The following DNAJB2 variants were observed in gnomAD, a reference collection of about 807,000 sequenced individuals.
DNAJB2 encodes the protein dnaJ homolog subfamily B member 2.
In DNAJB2, 19 loss-of-function variants were observed where a neutral mutation model predicts 33.3. The observed-to-expected ratio is 0.57, with a 90% CI of 0.40 to 0.84. The LOEUF is 0.84. DNAJB2 is among the 40% of genes least tolerant of loss of function. The probability of loss-of-function intolerance (pLI) is 0.00; values close to 1 mark genes in which losing one functional copy is unlikely to be tolerated. For missense variants in DNAJB2, 368 were observed against 430.9 expected (o/e 0.85, Z 1.29); for synonymous variants, 172 against 164.6 (o/e 1.04, Z -0.34).
Position 219,279,939 on chromosome 2 carries a change from A to G in DNAJB2, c.65+41A>G. 6.3e-7 allele frequency: 1 copy of G among 1,595,948 alleles called. No individual in the cohort carries two copies. ...TGCAACAGAAGACCTCTCACCCTCC[A>G]CCCGCCACCACCATGGGGCACTTCA... On this transcript the variant is annotated intron_variant, in intron 2 of 8. Coordinates refer to ENST00000336576, the MANE Select transcript of DNAJB2 (RefSeq NM_006736.6). The surrounding 1 kb of genome is among the most constrained non-coding windows in gnomAD (Gnocchi z 4.9).
chr2:219,279,416 G>A lies in DNAJB2; in HGVS notation c.-139G>A, dbSNP rs1054116839. ...GCCTGCGCGCACAGCTGGGCCGGGC[G>A]CGTCCTACGCAGCAGCCGCGAGCCG... is the stretch of plus-strand genomic sequence containing the variant. On this transcript the variant is annotated 5_prime_UTR_variant, in exon 1 of 9. Transcript: ENST00000336576. This position sits in a 1 kb window ranked among gnomAD's most constrained non-coding sequence, Gnocchi z 4.9. 6.6e-5 allele frequency: 11 copies of A among 165,536 alleles called. No individual in the cohort carries two copies. Among genetic ancestry groups the A allele is most frequent in the Non-Finnish European group, 1.4e-4 (11 of 76,914 alleles). 10.3% of individuals were successfully genotyped at this position (165,536 alleles called of 1,614,324 possible).
In DNAJB2 at chr2:219,284,773, A is replaced by G. The variant is rs770788678; in HGVS notation, c.761A>G (p.Asp254Gly). Residue 254 changes from aspartate to glycine, a missense_variant, in exon 9 of 9, where the codon GAC becomes GGC. By Grantham distance (94) the Asp-to-Gly change is moderately conservative. Transcript: ENST00000336576. Reference protein sequence around the residue: ...PLDSDLSEDEDLQLAMAYSLS... With the variant: ...PLDSDLSEDEGLQLAMAYSLS... ...GACAGCGACCTCTCTGAGGATGAGG[A>G]CCTGCAGCTGGCCATGGCCTACAGC... The G allele has an allele frequency of 3.7e-6, 6 of 1,613,282 alleles. No homozygotes were observed. The African/African-American group carries it at 8.0e-5, about 22-fold the overall frequency.
At chr2:219,283,572 C>A (rs1951926838) in intron 8 of DNAJB2, 83 bp downstream of exon 8, 1 of 1,409,728 alleles carries the variant, frequency 7.1e-7, no homozygotes, top group Admixed American at 2.2e-5. Context: ...CTGCTGCTCT[C>A]TGAACTCACT....
At chr2:219,280,801 C>T (rs1254899090) in intron 3 of DNAJB2, 114 bp downstream of exon 3, 2 of 781,460 alleles carry the variant, frequency 2.6e-6, no homozygotes, top group Non-Finnish European at 4.1e-6. Context: ...CTTTTTCCAG[C>T]CTGACATTTA....
Position 219,284,803 on chromosome 2 carries a change from C to T in DNAJB2, c.791C>T (p.Ser264Leu), listed in dbSNP as rs773941610. The T allele has an allele frequency of 3.1e-6, 5 of 1,612,854 alleles. No individual in the cohort carries two copies. In the East Asian group the frequency reaches 6.7e-5, roughly 22 times the overall value. Residue 264 changes from serine (S) to leucine (L), a missense_variant, in exon 9 of 9, where the codon TCA becomes TTA. Transcript: ENST00000336576. ...CAGCTGGCCATGGCCTACAGCCTGT[C>T]AGAGATGGAGGCAGCTGGGAAGAAA... ...DLQLAMAYSL[S>L]EMEAAGKKPA...
intron 5 of DNAJB2, 123 bp from the exon 6 acceptor site, chr2:219,282,713 TA>T: frequency 1.2e-6 from 1 of 869,228 alleles, no homozygotes; most frequent in Non-Finnish European, 1.7e-6. Context: ...TAAGCCCAAC[TA>T]AAAAGCGGAA....
chr2:219,281,303 T>G (rs1453439719), intron 3 of DNAJB2: 4 of 211,280 alleles, frequency 1.9e-5, no homozygotes, highest in Non-Finnish European at 3.9e-5. Context: ...TGCTAGGGAA[T>G]AATGTGCACT....
At chr2:219,283,088 C>T in intron 6 of DNAJB2, 45 bp from the exon 7 acceptor site, 1 of 1,480,942 alleles carries the variant, frequency 6.8e-7, no homozygotes, top group East Asian at 2.2e-5. Context: ...GCAGCGCAGT[C>T]TTCTTCTAAC....
In DNAJB2 at chr2:219,279,815, T is replaced by G; in HGVS notation, c.-19T>G. On this transcript the variant is annotated 5_prime_UTR_variant, in exon 2 of 9. An upstream open reading frame in the 5' UTR loses its in-frame stop. Transcript: ENST00000336576. This position sits in a 1 kb window ranked among gnomAD's most constrained non-coding sequence, Gnocchi z 4.9. ...TTCTGCAGCCCCAAGGAGGCCCGCC[T>G]GACGACTGACCAGTTGCCATGGCAT... 6.2e-7 allele frequency: 1 copy of G among 1,613,782 alleles called. No homozygotes were observed. Among genetic ancestry groups the G allele is most frequent in the Non-Finnish European group, 8.5e-7 (1 of 1,179,890 alleles).
chr2:219,284,907 A>G lies in DNAJB2; in HGVS notation c.895A>G (p.Thr299Ala), dbSNP rs747702973. The change falls in exon 9 of 9, where the codon ACC becomes GCC. Residue 299 changes from threonine (T) to alanine (A), a missense_variant. Thr to Ala is a moderately conservative substitution (Grantham distance 58). Coordinates refer to ENST00000336576, the MANE Select transcript of DNAJB2 (RefSeq NM_006736.6). ...AQHQDPGLGG[T>A]QEGARGEATK... ...GCACCAAGATCCAGGCTTGGGGGGGACCCAGGAGGGTGCGAGGGGTGAAGC... is the reference window on the plus strand; with the variant it reads ...GCACCAAGATCCAGGCTTGGGGGGGGCCCAGGAGGGTGCGAGGGGTGAAGC... 9 of 1,596,508 alleles carry G rather than the reference A, an allele frequency of 5.6e-6. No homozygotes were observed. The highest frequency in any genetic ancestry group is 5.1e-6 in the Non-Finnish European group (6 of 1,168,780).
Position 219,283,566 on chromosome 2 carries a change from T to G in DNAJB2, c.619+77T>G. Reference sequence around the variant, plus strand: ...CTCAGCAGCCTCCTCCCCAAACTGCTGCTCTCTGAACTCACTTAGGGCTTG... The same window carrying G: ...CTCAGCAGCCTCCTCCCCAAACTGCGGCTCTCTGAACTCACTTAGGGCTTG... On this transcript the variant is annotated intron_variant, in intron 8 of 8. Coordinates refer to ENST00000336576, the MANE Select transcript of DNAJB2 (RefSeq NM_006736.6). 3 of 1,459,958 alleles carry G rather than the reference T, an allele frequency of 2.1e-6. No homozygotes were observed. In the South Asian group the frequency reaches 3.9e-5, roughly 19 times the overall value. 90.4% of individuals were successfully genotyped at this position (1,459,958 alleles called of 1,614,324 possible).
At chr2:219,283,781 C>G (rs1320387934) in intron 8 of DNAJB2, among the ~76,000 whole-genome samples, 1 of 152,202 alleles carries the variant, frequency 6.6e-6, no homozygotes, top group Non-Finnish European at 1.5e-5. Context: ...TGGGGGAGTA[C>G]ACAGGGCAGA....
In DNAJB2 at chr2:219,284,868, C is replaced by A; in HGVS notation, c.856C>A (p.Arg286=). The change falls in exon 9 of 9, where the codon CGG becomes AGG. Residue 286 remains arginine (R), a synonymous_variant. Transcript: ENST00000336576. ...GGAGGCACAGCACCGACGGCAGGGG[C>A]GGCCCAAGGCCCAGCACCAAGATCC... ...GREAQHRRQG[R]PKAQHQDPGL... The A allele has an allele frequency of 1.2e-6, 2 of 1,608,774 alleles. No homozygotes were observed. Among genetic ancestry groups the A allele is most frequent in the South Asian group, 1.1e-5 (1 of 90,634 alleles).
In DNAJB2 at chr2:219,280,583, G is replaced by A. The variant is rs780839621; in HGVS notation, c.71G>A (p.Arg24Gln). The change falls in exon 3 of 9, where the codon CGG becomes CAG. Residue 24 changes from arginine to glutamine, a missense_variant. By Grantham distance (43) the Arg-to-Gln change is conservative. Coordinates refer to ENST00000336576, the MANE Select transcript of DNAJB2 (RefSeq NM_006736.6). ...ASADDIKKAYRRKALQWHPDK... is the reference protein window; with the variant it reads ...ASADDIKKAYQRKALQWHPDK... ...TCTGCACCCACTTTCTGCAGGTATC[G>A]GCGCAAGGCTCTCCAGTGGCACCCA... 3.1e-6 allele frequency: 5 copies of A among 1,613,810 alleles called. No individual in the cohort carries two copies. Among genetic ancestry groups the A allele is most frequent in the Admixed American group, 3.3e-5 (2 of 59,968 alleles).
chr2:219,284,551 A>G (rs1390339125), intron 8 of DNAJB2, 81 bp from the exon 9 acceptor site: 3 of 1,488,950 alleles, frequency 2.0e-6, no homozygotes, highest in Middle Eastern at 2.6e-4. Context: ...CTAAGTGGTC[A>G]GGGTTGTTAC....
rs756892919 is a variant in DNAJB2 at position 219,283,143 on chromosome 2, C to T, written c.456C>T (p.Ser152=). ...TTGTCCCGATGCCAGATTTCTCCTC[C>T]TCATCTTTCTCCTTCAGTCCTGGGG... ...SSFPGHSDFS[S]SSFSFSPGAG... Residue 152 remains serine (S), a synonymous_variant, in exon 7 of 9, where the codon TCC becomes TCT. Coordinates refer to ENST00000336576, the MANE Select transcript of DNAJB2 (RefSeq NM_006736.6). The T allele has an allele frequency of 4.3e-6, 7 of 1,614,244 alleles. No homozygotes were observed. Among genetic ancestry groups the T allele is most frequent in the South Asian group, 1.1e-5 (1 of 91,088 alleles).
chr2:219,281,905 T>C, intron 4 of DNAJB2, 34 bp from the exon 5 acceptor site: 1 of 1,612,678 alleles, frequency 6.2e-7, no homozygotes, highest in Non-Finnish European at 8.5e-7. Context: ...GCAGGATGCA[T>C]GCCCTAAGCT....
Position 219,279,368 on chromosome 2 carries a change from T to A in DNAJB2, c.-187T>A, listed in dbSNP as rs1951881930. The stretch of plus-strand genomic sequence containing the variant: ...GAGCCGGCCTTCTCCCCGTCTCTAG[T>A]AGTTTCCGCACCGCTGACGCATGCC... On this transcript the variant is annotated 5_prime_UTR_variant, in exon 1 of 9. Transcript: ENST00000336576. The surrounding 1 kb of genome is among the most constrained non-coding windows in gnomAD (Gnocchi z 4.9). 1 of 154,404 alleles carries A rather than the reference T, an allele frequency of 6.5e-6. No individual in the cohort carries two copies. The highest frequency in any genetic ancestry group is 1.4e-5 in the Non-Finnish European group (1 of 69,506). The allele number at this position is 154,404 out of a possible 1,614,324, so 9.6% of individuals were successfully genotyped here.
rs767624292 is a variant in DNAJB2 at position 219,286,039 on chromosome 2, G to A, written c.*1052G>A. On this transcript the variant is annotated 3_prime_UTR_variant, in exon 9 of 9. Coordinates refer to ENST00000336576, the MANE Select transcript of DNAJB2 (RefSeq NM_006736.6). ...CAGAATCGCTGCACAGTTCCAACAG[G>A]ACAGCGCCTTCCCCCATGCGCTGGG... The A allele has an allele frequency of 1.3e-6, 2 of 1,593,780 alleles. No individual in the cohort carries two copies. Among genetic ancestry groups the A allele is most frequent in the African/African-American group, 2.7e-5 (2 of 74,172 alleles).
Sources: gnomAD v4.1 joint callset for allele counts (sites outside exome capture counted in the v4.1 genomes callset) on GRCh38, gnomAD v4.1.1 for gene constraint, Gnocchi (gnomAD v3.1) non-coding constraint, MANE v1.5 for transcripts, NCBI Gene and HGNC (gene_info 2026-07-23, HGNC 2026-07-21) for gene names.